Variants in ARFGEF2 observed in about 807,000 individuals in gnomAD.
The protein encoded by ARFGEF2 is ARF guanine nucleotide exchange factor 2.
A neutral mutation model predicts 219.9 loss-of-function variants in ARFGEF2; 74 were observed. The observed-to-expected ratio is 0.34, with a 90% CI of 0.28 to 0.41. The LOEUF is 0.41. ARFGEF2 is among the 10% of genes least tolerant of loss of function. The pLI is 1.00. For synonymous variants in ARFGEF2, 733 were observed against 799.2 expected (o/e 0.92, Z 1.40); for missense variants, 1,743 against 2,218.3 (o/e 0.79, Z 4.30).
At chr20:48,991,233 G>T in intron 21 of ARFGEF2, 35 bp downstream of exon 21, 2 of 1,613,726 alleles carry the variant, frequency 1.2e-6, no homozygotes, top group Non-Finnish European at 8.5e-7. Context: ...TTCTCAGTTA[G>T]GATGACTCCT....
At position 48,969,213 on chromosome 20, in the gene ARFGEF2, C is replaced by G. The variant is rs2091210280; in HGVS notation, c.1126C>G (p.Leu376Val). Reference protein sequence around the residue: ...FSHVLQKDAFLVFRSLCKLSM... With the variant: ...FSHVLQKDAFVVFRSLCKLSM... ...CCACGTTCTGCAGAAGGATGCCTTC[C>G]TTGTGTTCCGCTCCCTGTGCAAGCT... Residue 376 changes from leucine to valine, a missense_variant, in exon 9 of 39, where the codon CTT becomes GTT. Leu to Val is a conservative substitution (Grantham distance 32, BLOSUM62 1). Around this residue, in one of 5 missense-constraint regions of ARFGEF2, gnomAD observed 666 missense variants for 955.4 expected, o/e 0.70. Transcript: ENST00000371917. 6.2e-7 allele frequency: 1 copy of G among 1,614,100 alleles called. No individual in the cohort carries two copies. The highest frequency in any genetic ancestry group is 1.3e-5 in the African/African-American group (1 of 74,938).
intron 1 of ARFGEF2, 92 bp from the exon 2 acceptor site, chr20:48,941,107 C>A: frequency 8.5e-7 from 1 of 1,172,398 alleles, no homozygotes; most frequent in Non-Finnish European, 1.2e-6. Context: ...CGTTAACAAT[C>A]TTTTCAGTGG....
intron 10 of ARFGEF2, among the ~76,000 whole-genome samples, chr20:48,971,629 C>T (rs2091228274): frequency 6.6e-6 from 1 of 151,618 alleles, no homozygotes; most frequent in Admixed American, 6.6e-5. Flanking sequence ...AGCCTGGGCG[C>T]CATGGCTCAC....
rs2091489043 is a variant in ARFGEF2, at chr20:49,010,225, T to C, written c.3585-7T>C. 6.2e-7 allele frequency: 1 copy of C among 1,612,226 alleles called. No homozygotes were observed. The highest frequency in any genetic ancestry group is 8.5e-7 in the Non-Finnish European group (1 of 1,178,570). ...CAGACGATATGGCCGTCCCATTCTTTCCTCAGGTCTCCCACCATCCGGGAC... is the reference window on the plus strand; with the variant it reads ...CAGACGATATGGCCGTCCCATTCTTCCCTCAGGTCTCCCACCATCCGGGAC... On this transcript the variant is annotated splice_polypyrimidine_tract_variant and splice_region_variant and intron_variant, in intron 26 of 38. Coordinates refer to ENST00000371917, the MANE Select transcript of ARFGEF2 (RefSeq NM_006420.3).
At chr20:48,979,551 T>A (rs972716875) in intron 14 of ARFGEF2, among the ~76,000 whole-genome samples, 4 of 152,236 alleles carry the variant, frequency 2.6e-5, no homozygotes, top group Non-Finnish European at 5.9e-5. Context: ...GAAGGAATGG[T>A]ACCAGCTCCT....
intron 38 of ARFGEF2, 144 bp from the exon 39 acceptor site, chr20:49,032,879 C>G: frequency 1.2e-6 from 1 of 827,582 alleles, no homozygotes; most frequent in Non-Finnish European, 1.9e-6. Context: ...AGGCGTGAAT[C>G]ACTGCGCTCG....
chr20:48,979,013 G>T (rs57895914), intron 14 of ARFGEF2, among the ~76,000 whole-genome samples: 4 of 152,308 alleles, frequency 2.6e-5, no homozygotes, highest in African/African-American at 9.6e-5. Context: ...ACACTGTGTT[G>T]AATGGGAGTG....
rs1458716019 is a variant in ARFGEF2, at chr20:48,950,828, ATATATATATATATATATATG to A, written c.277-491_277-472del. Among the ~76,000 whole-genome samples the A allele has an allele frequency of 3.4e-3, 439 of 129,246 alleles. 1 individual carries two copies. The highest frequency in any genetic ancestry group is 0.013 in the African/African-American group (426 of 31,662). The allele number at this position is 129,246 out of a possible 152,430, so 84.8% of individuals were successfully genotyped here. A position where few individuals can be genotyped will look rare whatever the true frequency, so the allele number is the denominator to read the frequency against. The stretch of plus-strand genomic sequence containing the variant: ...AAAAAAAAAATATATATATATATAT[ATATATATATATATATATATG>A]TATGTATATACATGCACACACACAC... On this transcript the variant is annotated intron_variant, in intron 3 of 38. Coordinates refer to ENST00000371917, the MANE Select transcript of ARFGEF2 (RefSeq NM_006420.3).
In ARFGEF2 at chr20:48,951,309, C is replaced by T; in HGVS notation, c.277-14C>T. On this transcript the variant is annotated splice_polypyrimidine_tract_variant and intron_variant, in intron 3 of 38. Transcript: ENST00000371917. ...CAAGCAGAAATGTATAATCTCTGTTCTTTCTCTCTTTAGAAACTCATCGCA... is the reference window on the plus strand; with the variant it reads ...CAAGCAGAAATGTATAATCTCTGTTTTTTCTCTCTTTAGAAACTCATCGCA... The T allele has an allele frequency of 6.2e-7, 1 of 1,613,910 alleles. No homozygotes were observed. The highest frequency in any genetic ancestry group is 1.1e-5 in the South Asian group (1 of 91,052).
At chr20:48,923,661 G>A (rs776739846) in intron 1 of ARFGEF2, among the ~76,000 whole-genome samples, 10 of 152,352 alleles carry the variant, frequency 6.6e-5, no homozygotes, top group Middle Eastern at 3.4e-3. Flanking sequence ...ATAACTCCAC[G>A]TTGAAATCTG....
At chr20:48,985,236 C>G (rs565091688) in intron 15 of ARFGEF2, among the ~76,000 whole-genome samples, 172 bp from the exon 16 acceptor site, 7 of 34,938 alleles carry the variant, frequency 2.0e-4, no homozygotes, top group African/African-American at 9.1e-4. Flanking sequence ...CAGGCTGCTT[C>G]TGGAATGGGT....
rs1161633095 is a variant in ARFGEF2 at position 49,014,034 on chromosome 20, G to A, written c.4179+74G>A. The A allele has an allele frequency of 2.5e-6, 4 of 1,592,194 alleles. No homozygotes were observed. In the Admixed American group the frequency reaches 5.0e-5, roughly 20 times the overall value. ...TTTCTGGCCGGTATTTGCCTCTGGG[G>A]GCTGCATCATCGTCTACCCAGAGTT... is the stretch of plus-strand genomic sequence containing the variant. On this transcript the variant is annotated intron_variant, in intron 30 of 38. Transcript: ENST00000371917.
At chr20:48,942,684 C>T (rs763683176) in intron 3 of ARFGEF2, among the ~76,000 whole-genome samples, 2 of 151,918 alleles carry the variant, frequency 1.3e-5, no homozygotes, top group Non-Finnish European at 2.9e-5. Context: ...TGGGGTTTCA[C>T]TATTTTGGTC....
Position 48,990,925 on chromosome 20 carries a change from C to G in ARFGEF2, c.2815-115C>G, listed in dbSNP as rs1236482289. 13 of 1,164,470 alleles carry G rather than the reference C, an allele frequency of 1.1e-5. No individual in the cohort carries two copies. The Admixed American group carries it at 2.6e-4, about 23-fold the overall frequency. 72.1% of individuals were successfully genotyped at this position (1,164,470 alleles called of 1,614,324 possible). On this transcript the variant is annotated intron_variant, in intron 20 of 38. Transcript: ENST00000371917. Reference sequence around the variant, plus strand: ...ACTGTTGTGCTAATGTGCAGAAAGCCAGTCAATGTGCATACAAAAAGTATC... The same window carrying G: ...ACTGTTGTGCTAATGTGCAGAAAGCGAGTCAATGTGCATACAAAAAGTATC...
intron 16 of ARFGEF2, among the ~76,000 whole-genome samples, chr20:48,986,736 C>CT (rs1377273886): frequency 1.3e-5 from 2 of 152,116 alleles, no homozygotes; most frequent in Non-Finnish European, 2.9e-5. Context: ...GTCTTGCTCT[C>CT]TTGCCCAGGT....
intron 8 of ARFGEF2, among the ~76,000 whole-genome samples, chr20:48,966,613 A>G (rs2091189056): frequency 1.3e-5 from 2 of 152,220 alleles, no homozygotes; most frequent in South Asian, 2.1e-4. Flanking sequence ...AAAATTAAAT[A>G]TAAACATTCA....
chr20:48,991,153 A>C lies in ARFGEF2; in HGVS notation c.2928A>C (p.Thr976=), dbSNP rs768903221. The stretch of plus-strand genomic sequence containing the variant: ...TCGACACCATTAAGACGCTTATCAC[A>C]GTGGCTCACACCGATGGCAACTACC... ...KNIDTIKTLI[T]VAHTDGNYLG... Residue 976 remains threonine, a synonymous_variant, in exon 21 of 39, where the codon ACA becomes ACC. Coordinates refer to ENST00000371917, the MANE Select transcript of ARFGEF2 (RefSeq NM_006420.3). The C allele has an allele frequency of 2.5e-6, 4 of 1,614,092 alleles. No homozygotes were observed. Among genetic ancestry groups the C allele is most frequent in the Non-Finnish European group, 3.4e-6 (4 of 1,180,046 alleles).
intron 1 of ARFGEF2, among the ~76,000 whole-genome samples, chr20:48,928,922 G>C (rs993236542): frequency 6.6e-6 from 1 of 152,226 alleles, no homozygotes; most frequent in African/African-American, 2.4e-5. Flanking sequence ...AATGAATTTA[G>C]AGCTCTATCC....
intron 1 of ARFGEF2, among the ~76,000 whole-genome samples, chr20:48,923,202 C>G (rs1230943153): frequency 6.6e-6 from 1 of 152,146 alleles, no homozygotes; most frequent in Non-Finnish European, 1.5e-5. Context: ...CAAGCTAATT[C>G]ACTGCCCCAA....
Sources: gnomAD v4.1 joint callset for allele counts (sites outside exome capture counted in the v4.1 genomes callset) on GRCh38, gnomAD v4.1.1 for gene constraint, gnomAD v4.1.1 regional missense constraint, MANE v1.5 for transcripts, NCBI Gene and HGNC (gene_info 2026-07-23, HGNC 2026-07-21) for gene names.